RETREG1: variants seen among roughly 807,000 people sequenced by gnomAD.
RETREG1 encodes reticulophagy regulator 1, also known as family with sequence similarity 134 member B.
Under a neutral mutation model 54.8 loss-of-function variants are expected in RETREG1, and 44 were observed. The observed-to-expected ratio is 0.80, with a 90% CI of 0.63 to 1.03. The LOEUF is 1.03. Among genes scored for constraint, RETREG1 ranks in the 50% least tolerant of loss-of-function variants. The pLI is 0.00. For synonymous variants in RETREG1, 217 were observed against 238.5 expected (o/e 0.91, Z 0.83); for missense variants, 554 against 605.1 (o/e 0.92, Z 0.89).
intron 1 of RETREG1, among the ~76,000 whole-genome samples, 180 bp from the exon 2 acceptor site, chr5:16,572,282 G>A (rs550614848): frequency 2.0e-5 from 3 of 150,120 alleles, no homozygotes; most frequent in South Asian, 2.1e-4. Flanking sequence ...GCACTACCTC[G>A]GCTCACTGCA....
At chr5:16,518,822 C>T (rs866022914) in intron 3 of RETREG1, among the ~76,000 whole-genome samples, 33 of 152,302 alleles carry the variant, frequency 2.2e-4, no homozygotes, top group Middle Eastern at 3.4e-3. Flanking sequence ...AGCAAACCCT[C>T]CACCCACTGA....
At chr5:16,534,107 A>AAC (rs1375165966) in intron 3 of RETREG1, among the ~76,000 whole-genome samples, 7 of 152,058 alleles carry the variant, frequency 4.6e-5, no homozygotes, top group African/African-American at 1.7e-4. Flanking sequence ...AAAAAAAAAA[A>AAC]ACACATTTTC....
At chr5:16,604,346 C>T (rs1055424559) in intron 1 of RETREG1, among the ~76,000 whole-genome samples, 3 of 152,106 alleles carry the variant, frequency 2.0e-5, no homozygotes, top group African/African-American at 4.8e-5. Flanking sequence ...GGCAATGATA[C>T]CTTGCAGTGT....
intron 3 of RETREG1, among the ~76,000 whole-genome samples, chr5:16,526,676 C>T (rs778703033): frequency 1.3e-5 from 2 of 152,192 alleles, no homozygotes; most frequent in African/African-American, 2.4e-5. Flanking sequence ...ACTGTTCTAA[C>T]ATTTCTACAT....
At chr5:16,534,528 T>G (rs1188775304) in intron 3 of RETREG1, among the ~76,000 whole-genome samples, 1 of 152,148 alleles carries the variant, frequency 6.6e-6, no homozygotes, top group Non-Finnish European at 1.5e-5. Context: ...AGAGGAGAGA[T>G]TACCATGCTT....
intron 3 of RETREG1, among the ~76,000 whole-genome samples, chr5:16,513,213 C>T (rs897123092): frequency 4.6e-5 from 7 of 152,160 alleles, no homozygotes; most frequent in African/African-American, 1.7e-4. Context: ...ATCATGGGCT[C>T]ATCTGGCTCT....
In RETREG1 at chr5:16,483,327, C is replaced by G. The variant is rs1379466830; in HGVS notation, c.585+19G>C. ...GTAACTGAACATTTTAAAACATACT[C>G]CTTTACTGGAAAACTTGCCTTGCCA... On this transcript the variant is annotated intron_variant, in intron 4 of 8. Transcript: ENST00000306320. 1 of 1,612,550 alleles carries G rather than the reference C, an allele frequency of 6.2e-7. No individual in the cohort carries two copies. The highest frequency in any genetic ancestry group is 2.2e-5 in the East Asian group (1 of 44,844).
At position 16,561,272 on chromosome 5, in the gene RETREG1, C is replaced by T. The variant is rs766932526; in HGVS notation, c.458+4491G>A. 2.0e-5 allele frequency among the ~76,000 whole-genome samples: 3 copies of T among 151,926 alleles called. No homozygotes were observed. The highest frequency in any genetic ancestry group is 4.4e-5 in the Non-Finnish European group (3 of 67,978). On this transcript the variant is annotated intron_variant, in intron 3 of 8. Transcript: ENST00000306320. The surrounding 1 kb of genome is among the most constrained non-coding windows in gnomAD (Gnocchi z 4.2). ...CAGCACTTTGGGAGGCCGAGTCGGGCGGATCATGAGGTCAGGAGATCAAGA... is the reference window on the plus strand; with the variant it reads ...CAGCACTTTGGGAGGCCGAGTCGGGTGGATCATGAGGTCAGGAGATCAAGA...
At chr5:16,492,967 C>T (rs1261744598) in intron 3 of RETREG1, among the ~76,000 whole-genome samples, 3 of 152,194 alleles carry the variant, frequency 2.0e-5, no homozygotes, top group Non-Finnish European at 4.4e-5. Context: ...ACGTGAGCGA[C>T]TCCTCCCAAG....
intron 3 of RETREG1, among the ~76,000 whole-genome samples, chr5:16,558,935 C>T (rs1352085294): frequency 6.6e-6 from 1 of 152,170 alleles, no homozygotes; most frequent in African/African-American, 2.4e-5. Flanking sequence ...TTAGAGGAGA[C>T]AATTTAGCAA....
intron 3 of RETREG1, among the ~76,000 whole-genome samples, chr5:16,563,976 A>G (rs1741939944): frequency 6.6e-6 from 1 of 152,178 alleles, no homozygotes; most frequent in South Asian, 2.1e-4. Flanking sequence ...CAATTACACA[A>G]ATTATTTTAT....
At chr5:16,530,279 C>T (rs1414007793) in intron 3 of RETREG1, among the ~76,000 whole-genome samples, 2 of 152,230 alleles carry the variant, frequency 1.3e-5, no homozygotes, top group Non-Finnish European at 2.9e-5. Context: ...CATACTTGTG[C>T]TCCCAGGGGC....
intron 3 of RETREG1, among the ~76,000 whole-genome samples, chr5:16,489,008 A>G (rs1739137408): frequency 7.0e-6 from 1 of 143,764 alleles, no homozygotes; most frequent in African/African-American, 2.6e-5. Context: ...ACTTGAACCC[A>G]GGAGGCAGGG....
intron 3 of RETREG1, among the ~76,000 whole-genome samples, chr5:16,531,128 C>A (rs1740904935): frequency 6.6e-6 from 1 of 152,194 alleles, no homozygotes; most frequent in Non-Finnish European, 1.5e-5. Flanking sequence ...GGTGTGCTTA[C>A]TATTTACCCA....
intron 3 of RETREG1, among the ~76,000 whole-genome samples, chr5:16,505,139 C>T (rs1025090662): frequency 2.0e-5 from 3 of 152,126 alleles, no homozygotes; most frequent in African/African-American, 7.2e-5. Flanking sequence ...CCTACCGCTC[C>T]GGAGTCCAGC....
intron 3 of RETREG1, among the ~76,000 whole-genome samples, chr5:16,527,087 T>C (rs894958707): frequency 6.6e-6 from 1 of 152,244 alleles, no homozygotes; most frequent in African/African-American, 2.4e-5. Flanking sequence ...CATCCAGTGC[T>C]GCTTCCTTTA....
intron 4 of RETREG1, among the ~76,000 whole-genome samples, chr5:16,481,764 A>T (rs1055559708): frequency 6.6e-6 from 1 of 152,120 alleles, no homozygotes; most frequent in Non-Finnish European, 1.5e-5. Context: ...TTTATGGTTA[A>T]AAAATCTTGA....
At chr5:16,507,646 T>G (rs891256810) in intron 3 of RETREG1, among the ~76,000 whole-genome samples, 54 of 152,184 alleles carry the variant, frequency 3.5e-4, no homozygotes, top group African/African-American at 1.3e-3. Flanking sequence ...GAAAAGTAGC[T>G]TTTACAGACT....
At chr5:16,515,357 T>C (rs1471500980) in intron 3 of RETREG1, among the ~76,000 whole-genome samples, 2 of 152,234 alleles carry the variant, frequency 1.3e-5, no homozygotes, top group Non-Finnish European at 2.9e-5. Flanking sequence ...ACATAATAAA[T>C]ACTTTATGTC....
Sources: allele counts gnomAD v4.1 joint callset (sites outside exome capture counted in the v4.1 genomes callset), GRCh38; gene constraint gnomAD v4.1.1; non-coding constraint Gnocchi (gnomAD v3.1); transcripts MANE v1.5; gene names NCBI Gene and HGNC (gene_info 2026-07-23, HGNC 2026-07-21).